The following TBC1D5 variants were observed in gnomAD, a reference collection of about 807,000 sequenced individuals.
TBC1D5 encodes the protein TBC1 domain family member 5.
TBC1D5 carries 75 observed loss-of-function variants against 100.3 expected under a neutral mutation model. The observed-to-expected ratio is 0.75, with a 90% CI of 0.62 to 0.91. TBC1D5 has a LOEUF of 0.91. Among genes scored for constraint, TBC1D5 ranks in the 40% least tolerant of loss-of-function variants. The probability of loss-of-function intolerance (pLI) is 0.00; values close to 1 mark genes in which losing one functional copy is unlikely to be tolerated. For missense variants in TBC1D5, 910 were observed against 942.4 expected, an observed-to-expected ratio of 0.97 and a Z score of 0.45; for synonymous variants, 323 against 325.6, an observed-to-expected ratio of 0.99 and a Z score of 0.09.
chr3:17,663,390 T>TA (rs200124393), intron 1 of TBC1D5, among the ~76,000 whole-genome samples: 2,416 of 152,038 alleles, frequency 0.016, 25 homozygotes, highest in Non-Finnish European at 0.027. Flanking sequence ...AGACTGATCT[T>TA]AATATATAAT....
At chr3:17,435,060 G>C (rs1455029209) in intron 3 of TBC1D5, among the ~76,000 whole-genome samples, 1 of 152,112 alleles carries the variant, frequency 6.6e-6, no homozygotes, top group African/African-American at 2.4e-5. Context: ...ACCTCAGCCT[G>C]GACTTTATTG....
intron 2 of TBC1D5, among the ~76,000 whole-genome samples, chr3:17,519,747 C>A (rs1220786953): frequency 6.6e-6 from 1 of 152,114 alleles, no homozygotes; most frequent in African/African-American, 2.4e-5. Context: ...CAGAAGCACA[C>A]AAATTGAAAT....
At chr3:17,715,816 G>A (rs1196137309) in intron 1 of TBC1D5, among the ~76,000 whole-genome samples, 1 of 151,932 alleles carries the variant, frequency 6.6e-6, no homozygotes, top group East Asian at 1.9e-4. Context: ...AAAAAAGGGG[G>A]GGGAGGCCGA....
chr3:17,320,303 A>G (rs889740412), intron 13 of TBC1D5, among the ~76,000 whole-genome samples: 1 of 152,224 alleles, frequency 6.6e-6, no homozygotes, highest in African/African-American at 2.4e-5. Flanking sequence ...GCATCACATG[A>G]AAATTTGTTC....
At chr3:17,643,532 T>C (rs2153700967) in intron 1 of TBC1D5, among the ~76,000 whole-genome samples, 1 of 152,282 alleles carries the variant, frequency 6.6e-6, no homozygotes, top group Non-Finnish European at 1.5e-5. Context: ...GTTTGCCTCA[T>C]GGTGATTTTC....
chr3:17,665,076 G>A (rs1313037213), intron 1 of TBC1D5: 1 of 136,928 alleles, frequency 7.3e-6, no homozygotes, highest in East Asian at 2.3e-4. Context: ...AAAAAAAACG[G>A]TTAAGGCCAG....
At chr3:17,639,484 T>G (rs990230389) in intron 1 of TBC1D5, among the ~76,000 whole-genome samples, 4 of 151,408 alleles carry the variant, frequency 2.6e-5, no homozygotes, top group Non-Finnish European at 4.4e-5. Flanking sequence ...AAAAAAACTA[T>G]GAATTGTACA....
intron 1 of TBC1D5, among the ~76,000 whole-genome samples, chr3:17,669,470 A>G (rs868659464): frequency 1.3e-5 from 2 of 152,344 alleles, no homozygotes; most frequent in African/African-American, 4.8e-5. Context: ...AGTTATTATT[A>G]TACTACTTGG....
At chr3:17,704,981 G>T (rs1163336049) in intron 1 of TBC1D5, among the ~76,000 whole-genome samples, 2 of 124,754 alleles carry the variant, frequency 1.6e-5, no homozygotes, top group African/African-American at 6.1e-5. Flanking sequence ...TCCCAGACGG[G>T]GCGGCTGGCC....
At chr3:17,550,896 T>A (rs745713161) in intron 2 of TBC1D5, among the ~76,000 whole-genome samples, 1 of 152,168 alleles carries the variant, frequency 6.6e-6, no homozygotes, top group African/African-American at 2.4e-5. Flanking sequence ...TAAATTTATG[T>A]CATGTTCACA....
intron 14 of TBC1D5, among the ~76,000 whole-genome samples, chr3:17,299,633 C>T (rs2082618312): frequency 1.3e-5 from 2 of 151,986 alleles, no homozygotes; most frequent in African/African-American, 4.8e-5. Context: ...GCGAGATGGG[C>T]GGATCACAAG....
chr3:17,652,306 C>T (rs2065654968), intron 1 of TBC1D5, among the ~76,000 whole-genome samples: 2 of 152,070 alleles, frequency 1.3e-5, no homozygotes, highest in African/African-American at 2.4e-5. Flanking sequence ...TTTTAAAAAT[C>T]AATACTACAT....
intron 2 of TBC1D5, among the ~76,000 whole-genome samples, chr3:17,531,565 T>G (rs146434008): frequency 6.6e-6 from 1 of 152,074 alleles, no homozygotes; most frequent in East Asian, 1.9e-4. Context: ...GGAGGCATCA[T>G]GCTACCTGAC....
chr3:17,722,429 A>G (rs2075781937), intron 1 of TBC1D5, among the ~76,000 whole-genome samples: 1 of 152,172 alleles, frequency 6.6e-6, no homozygotes, highest in South Asian at 2.1e-4. Flanking sequence ...AATTTTACAC[A>G]ATATTTTGTG....
At chr3:17,357,108 G>A (rs1273995855) in intron 13 of TBC1D5, among the ~76,000 whole-genome samples, 1 of 152,084 alleles carries the variant, frequency 6.6e-6, no homozygotes, top group Non-Finnish European at 1.5e-5. Context: ...CCTGCATTAT[G>A]TCTTACCACC....
At chr3:17,442,630 A>C (rs1361299010) in intron 3 of TBC1D5, among the ~76,000 whole-genome samples, 2 of 152,238 alleles carry the variant, frequency 1.3e-5, no homozygotes, top group Non-Finnish European at 2.9e-5. Context: ...TGCTCAAAAT[A>C]TACCCAAAGG....
At chr3:17,594,890 T>C (rs1346053984) in intron 2 of TBC1D5, among the ~76,000 whole-genome samples, 3 of 152,142 alleles carry the variant, frequency 2.0e-5, no homozygotes, top group Admixed American at 2.0e-4. Flanking sequence ...AAATGAAGGA[T>C]ACAAAGTATT....
intron 3 of TBC1D5, among the ~76,000 whole-genome samples, chr3:17,481,227 C>T (rs917171574): frequency 1.1e-4 from 17 of 152,322 alleles, no homozygotes; most frequent in Admixed American, 2.0e-4. Context: ...TAGGGCTGCC[C>T]GCCCCACCGA....
chr3:17,363,376 T>C (rs758834409), intron 13 of TBC1D5, among the ~76,000 whole-genome samples: 2 of 152,122 alleles, frequency 1.3e-5, no homozygotes, highest in Non-Finnish European at 1.5e-5. Context: ...TATATCAACA[T>C]TGAGCAAAAT....
Sources: allele counts gnomAD v4.1 joint callset (sites outside exome capture counted in the v4.1 genomes callset), GRCh38; gene constraint gnomAD v4.1.1; transcripts MANE v1.5; gene names NCBI Gene and HGNC (gene_info 2026-07-23, HGNC 2026-07-21).